Variants in DGKH observed in about 807,000 individuals in gnomAD.
The protein encoded by DGKH is diacylglycerol kinase eta.
In DGKH, 90 loss-of-function variants were observed where a neutral mutation model predicts 159.3. The ratio of observed to expected loss-of-function variants is 0.57; its 90% CI spans 0.48 to 0.67. The LOEUF (loss-of-function observed/expected upper bound fraction) is 0.67. DGKH is among the 30% of genes least tolerant of loss of function. The pLI, the probability that DGKH is intolerant of heterozygous loss-of-function variation, is 0.00. For synonymous variants in DGKH, 536 were observed against 553.8 expected (o/e 0.97, Z 0.45); for missense variants, 1,181 against 1,506.1 (o/e 0.78, Z 3.57).
chr13:42,121,063 T>TTA (rs2137825274), intron 1 of DGKH, among the ~76,000 whole-genome samples: 1 of 59,252 alleles, frequency 1.7e-5, no homozygotes, highest in South Asian at 4.0e-4. Flanking sequence ...ATAATATATA[T>TTA]TATACACACA....
At chr13:42,175,967 C>G (rs965248593) in intron 12 of DGKH, among the ~76,000 whole-genome samples, 2 of 152,162 alleles carry the variant, frequency 1.3e-5, no homozygotes, top group Admixed American at 1.3e-4. Context: ...TAAATATATA[C>G]AGAGTGCTTA....
At chr13:42,151,575 GTA>G (rs1955897186) in intron 3 of DGKH, among the ~76,000 whole-genome samples, 1 of 36,058 alleles carries the variant, frequency 2.8e-5, no homozygotes, top group South Asian at 1.6e-3. Context: ...TCACTTATAT[GTA>G]TACACACACA....
intron 3 of DGKH, among the ~76,000 whole-genome samples, chr13:42,149,363 G>A (rs571378501): frequency 5.9e-5 from 9 of 152,238 alleles, no homozygotes; most frequent in African/African-American, 2.2e-4. Context: ...TTCAGATCAC[G>A]AAGGGTCTTG....
chr13:42,178,102 C>T (rs1956651666), intron 12 of DGKH, 33 bp from the exon 13 acceptor site: 3 of 1,549,192 alleles, frequency 1.9e-6, no homozygotes, highest in African/African-American at 1.4e-5. Flanking sequence ...ATGCCAGCAA[C>T]AATAATACAG....
chr13:42,079,986 A>G (rs1263045639), intron 1 of DGKH, among the ~76,000 whole-genome samples: 1 of 151,880 alleles, frequency 6.6e-6, no homozygotes, highest in Non-Finnish European at 1.5e-5. Flanking sequence ...TTTTCCTTCC[A>G]CTTTCTTTTG....
intron 5 of DGKH, among the ~76,000 whole-genome samples, 181 bp from the exon 6 acceptor site, chr13:42,159,085 G>A (rs1347792307): frequency 5.3e-5 from 8 of 151,926 alleles, no homozygotes; most frequent in South Asian, 4.2e-4. Context: ...ATACATAGCC[G>A]TATTTGTTTT....
intron 1 of DGKH, among the ~76,000 whole-genome samples, chr13:42,123,194 CAA>C (rs1298406538): frequency 2.0e-5 from 3 of 151,940 alleles, no homozygotes; most frequent in South Asian, 4.1e-4. Flanking sequence ...TTATAAATTT[CAA>C]AAGTTATACA....
chr13:42,105,395 C>T (rs1954728787), intron 1 of DGKH, among the ~76,000 whole-genome samples: 1 of 152,220 alleles, frequency 6.6e-6, no homozygotes, highest in South Asian at 2.1e-4. Context: ...CATTAGGCCC[C>T]ACCTCCCAAC....
intron 1 of DGKH, among the ~76,000 whole-genome samples, chr13:42,089,169 G>A (rs1300504425): frequency 6.6e-6 from 1 of 152,096 alleles, no homozygotes; most frequent in Non-Finnish European, 1.5e-5. Flanking sequence ...ATTATATTTG[G>A]AAATTTCAGC....
At chr13:42,209,743 C>A (rs1315055197) in intron 23 of DGKH, among the ~76,000 whole-genome samples, 2 of 152,114 alleles carry the variant, frequency 1.3e-5, no homozygotes, top group Non-Finnish European at 2.9e-5. Context: ...CATGTAAATT[C>A]CCCTGTTAAC....
intron 3 of DGKH, among the ~76,000 whole-genome samples, chr13:42,147,761 A>C (rs1390554503): frequency 6.6e-6 from 1 of 152,218 alleles, no homozygotes. Context: ...TAATACTGAA[A>C]AAACTTCTCA....
At chr13:42,226,255 C>T (rs1958129937) in intron 29 of DGKH, among the ~76,000 whole-genome samples, 1 of 152,178 alleles carries the variant, frequency 6.6e-6, no homozygotes, top group Non-Finnish European at 1.5e-5. Flanking sequence ...GATACTATCT[C>T]ACACTAGTCA....
intron 1 of DGKH, among the ~76,000 whole-genome samples, chr13:42,057,104 T>C (rs927472091): frequency 2.0e-5 from 3 of 152,182 alleles, no homozygotes; most frequent in Non-Finnish European, 4.4e-5. Flanking sequence ...TTTAAAAGGA[T>C]TATTTTAGAA....
At chr13:42,117,416 T>C (rs1033108774) in intron 1 of DGKH, among the ~76,000 whole-genome samples, 5 of 152,268 alleles carry the variant, frequency 3.3e-5, no homozygotes, top group Non-Finnish European at 5.9e-5. Context: ...TTTTTGGTTA[T>C]GCTTGTTCTT....
intron 1 of DGKH, among the ~76,000 whole-genome samples, chr13:42,112,858 G>A (rs1375059261): frequency 6.6e-6 from 1 of 152,192 alleles, no homozygotes; most frequent in Non-Finnish European, 1.5e-5. Flanking sequence ...TATCACAAAA[G>A]GGGGCATACA....
intron 21 of DGKH, among the ~76,000 whole-genome samples, chr13:42,208,273 GATAT>G (rs1461707639): frequency 6.6e-6 from 1 of 152,034 alleles, no homozygotes; most frequent in African/African-American, 2.4e-5. Flanking sequence ...TATTATTTAT[GATAT>G]AGTAAAAGAG....
intron 5 of DGKH, among the ~76,000 whole-genome samples, chr13:42,158,810 G>T (rs1956105104): frequency 6.6e-6 from 1 of 152,112 alleles, no homozygotes; most frequent in Non-Finnish European, 1.5e-5. Context: ...CTTATAATCA[G>T]TATTTTATAT....
At chr13:42,173,964 C>CGG in intron 11 of DGKH, 96 bp from the exon 12 acceptor site, 1 of 604,300 alleles carries the variant, frequency 1.7e-6, no homozygotes, top group Non-Finnish European at 2.9e-6. Context: ...TGTGTGCGTG[C>CGG]GTGTGTGTGT....
chr13:42,174,772 C>T (rs914406131), intron 12 of DGKH, among the ~76,000 whole-genome samples: 10 of 152,130 alleles, frequency 6.6e-5, no homozygotes, highest in African/African-American at 1.9e-4. Flanking sequence ...ATGATGCAAA[C>T]ACAGCTCACT....
Sources: gnomAD v4.1 joint callset for allele counts (sites outside exome capture counted in the v4.1 genomes callset) on GRCh38, gnomAD v4.1.1 for gene constraint, MANE v1.5 for transcripts, NCBI Gene and HGNC (gene_info 2026-07-23, HGNC 2026-07-21) for gene names.